The following CACNA2D1 variants were observed in gnomAD, a reference collection of about 807,000 sequenced individuals.
The protein encoded by CACNA2D1 is voltage-dependent calcium channel subunit alpha-2/delta-1.
A neutral mutation model predicts 171.5 loss-of-function variants in CACNA2D1; 53 were observed. The ratio of observed to expected loss-of-function variants is 0.31; its 90% CI spans 0.25 to 0.39. The LOEUF (loss-of-function observed/expected upper bound fraction) is 0.39. Among genes scored for constraint, CACNA2D1 ranks in the 10% least tolerant of loss-of-function variants. The pLI is 1.00. For synonymous variants in CACNA2D1, 442 were observed against 443.1 expected, an observed-to-expected ratio of 1.00 and a Z score of 0.03; for missense variants, 903 against 1,299.8, an observed-to-expected ratio of 0.69 and a Z score of 4.69.
chr7:82,272,891 T>C (rs1217341486), intron 3 of CACNA2D1, among the ~76,000 whole-genome samples: 1 of 152,102 alleles, frequency 6.6e-6, no homozygotes, highest in Non-Finnish European at 1.5e-5. Flanking sequence ...GAAAGACTCA[T>C]TCAGGTAAGC....
intron 10 of CACNA2D1, among the ~76,000 whole-genome samples, chr7:82,054,657 A>C (rs1805589604): frequency 6.6e-6 from 1 of 152,178 alleles, no homozygotes; most frequent in Admixed American, 6.5e-5. Flanking sequence ...AGCAGATACC[A>C]ACCAGTGTTC....
intron 3 of CACNA2D1, among the ~76,000 whole-genome samples, chr7:82,190,492 A>G (rs745680051): frequency 1.3e-5 from 2 of 151,738 alleles, no homozygotes; most frequent in Non-Finnish European, 3.0e-5. Context: ...CTCAAATCTC[A>G]TTTGTAATAT....
In CACNA2D1 at chr7:82,298,955, C is replaced by G. The variant is rs201175270; in HGVS notation, c.294+36180G>C. On this transcript the variant is annotated intron_variant, in intron 3 of 38. Coordinates refer to ENST00000356860, the MANE Select transcript of CACNA2D1 (RefSeq NM_000722.4). ...GCGGGTGCATGTAATCCCAGCTACT[C>G]GGGAGACTGAGGCAGGAGAATCCTT... Among the ~76,000 whole-genome samples the G allele has an allele frequency of 3.7e-4, 56 of 150,038 alleles. No individual in the cohort carries two copies. The East Asian group carries it at 0.011, about 29-fold the overall frequency.
intron 37 of CACNA2D1, 66 bp downstream of exon 37, chr7:81,959,654 T>C (rs986537775): frequency 4.1e-6 from 6 of 1,480,234 alleles, no homozygotes; most frequent in Middle Eastern, 1.7e-4. Flanking sequence ...ATATAAACAA[T>C]GTGACAAGAT....
chr7:82,318,598 C>G (rs1036904282), intron 3 of CACNA2D1, among the ~76,000 whole-genome samples: 13 of 152,112 alleles, frequency 8.5e-5, no homozygotes, highest in African/African-American at 3.1e-4. Context: ...TCTCTCCATG[C>G]CTTCTTCTCT....
chr7:82,185,160 C>T (rs187609661), intron 3 of CACNA2D1, among the ~76,000 whole-genome samples: 36 of 152,114 alleles, frequency 2.4e-4, no homozygotes, highest in African/African-American at 8.0e-4. Context: ...TAGAGCATAC[C>T]TATGGATATG....
Position 82,124,564 on chromosome 7 carries a change from T to A in CACNA2D1, c.397-7391A>T, listed in dbSNP as rs577863422. ...CAACCAATCAGAATGGTTGTGGGCC[T>A]CTACTTCATTTACACAGAGTGTAAA... is the stretch of plus-strand genomic sequence containing the variant. On this transcript the variant is annotated intron_variant, in intron 5 of 38. Coordinates refer to ENST00000356860, the MANE Select transcript of CACNA2D1 (RefSeq NM_000722.4). 3.3e-3 allele frequency among the ~76,000 whole-genome samples: 502 copies of A among 152,302 alleles called. 6 individuals carry two copies. Among genetic ancestry groups the A allele is most frequent in the South Asian group, 0.028 (135 of 4,818 alleles).
intron 3 of CACNA2D1, among the ~76,000 whole-genome samples, chr7:82,233,960 T>A (rs1803253269): frequency 6.6e-6 from 1 of 152,106 alleles, no homozygotes; most frequent in Non-Finnish European, 1.5e-5. Flanking sequence ...AACATCTTTT[T>A]GATATAAATA....
chr7:82,241,116 T>G (rs1804226088), intron 3 of CACNA2D1, among the ~76,000 whole-genome samples: 1 of 152,200 alleles, frequency 6.6e-6, no homozygotes, highest in South Asian at 2.1e-4. Flanking sequence ...CATCGAATTC[T>G]CAGTGTTAAA....
At chr7:81,991,097 G>GA in intron 21 of CACNA2D1, 88 bp downstream of exon 21, 2 of 749,438 alleles carry the variant, frequency 2.7e-6, no homozygotes, top group Non-Finnish European at 4.9e-6. Context: ...CTTTTCTAGT[G>GA]AAAATCACAT....
intron 12 of CACNA2D1, chr7:82,029,047 T>C (rs1802310362): frequency 6.6e-6 from 1 of 151,746 alleles, no homozygotes. Context: ...TACAGAGAAA[T>C]CTTTTGTGAA....
At chr7:82,344,729 C>A (rs12533405) in intron 2 of CACNA2D1, among the ~76,000 whole-genome samples, 41,414 of 151,936 alleles carry the variant, frequency 0.27, 6,663 homozygotes, top group East Asian at 0.48. Context: ...ACAAAAAGAG[C>A]AAATCCAGGA....
chr7:82,209,844 A>G (rs1800385743), intron 3 of CACNA2D1, among the ~76,000 whole-genome samples: 1 of 152,198 alleles, frequency 6.6e-6, no homozygotes, highest in Non-Finnish European at 1.5e-5. Context: ...AAAAATTAAC[A>G]AACTGAAGTA....
intron 3 of CACNA2D1, among the ~76,000 whole-genome samples, chr7:82,204,571 C>T (rs893836935): frequency 1.3e-5 from 2 of 152,168 alleles, no homozygotes; most frequent in African/African-American, 4.8e-5. Flanking sequence ...TGTATTACTG[C>T]TGTGAACTCT....
intron 28 of CACNA2D1, among the ~76,000 whole-genome samples, chr7:81,969,447 A>G (rs1455319732): frequency 6.6e-6 from 1 of 151,376 alleles, no homozygotes; most frequent in African/African-American, 2.4e-5. Flanking sequence ...GGATTAAATT[A>G]CAAGGTTTTT....
chr7:82,151,050 T>C (rs1793805344), intron 4 of CACNA2D1, among the ~76,000 whole-genome samples: 1 of 152,140 alleles, frequency 6.6e-6, no homozygotes. Context: ...AGTTAAAACA[T>C]GCATAATTGT....
At chr7:82,325,153 G>C (rs1419078573) in intron 3 of CACNA2D1, among the ~76,000 whole-genome samples, 2 of 152,124 alleles carry the variant, frequency 1.3e-5, no homozygotes, top group Non-Finnish European at 2.9e-5. Flanking sequence ...CATTGAGATT[G>C]GAAGATGTAA....
intron 38 of CACNA2D1, among the ~76,000 whole-genome samples, chr7:81,958,969 T>C (rs1441457897): frequency 6.6e-6 from 1 of 151,932 alleles, no homozygotes; most frequent in East Asian, 1.9e-4. Flanking sequence ...ATCTTCAGGA[T>C]TGGAATATAA....
At chr7:82,414,691 T>C (rs1235490289) in intron 1 of CACNA2D1, among the ~76,000 whole-genome samples, 1 of 152,198 alleles carries the variant, frequency 6.6e-6, no homozygotes. Flanking sequence ...GAGGTGTATG[T>C]GTCCAGAATG....
Sources: gnomAD v4.1 joint callset for allele counts (sites outside exome capture counted in the v4.1 genomes callset) on GRCh38, gnomAD v4.1.1 for gene constraint, MANE v1.5 for transcripts, NCBI Gene and HGNC (gene_info 2026-07-23, HGNC 2026-07-21) for gene names.